Variants in LUZP1 observed in about 807,000 individuals in gnomAD.
LUZP1 encodes the protein filamin mechanobinding actin cross-linking protein.
LUZP1 carries 25 observed loss-of-function variants against 71.3 expected under a neutral mutation model. That is an observed-to-expected ratio of 0.35 (90% confidence interval 0.26 to 0.49). The LOEUF (loss-of-function observed/expected upper bound fraction) is 0.49, where lower values mean the gene tolerates loss of function less well. Ranked by LOEUF, LUZP1 falls within the 20% of genes least tolerant of loss-of-function variation. The probability of loss-of-function intolerance (pLI) is 0.99; values close to 1 mark genes in which losing one functional copy is unlikely to be tolerated. For missense variants in LUZP1, 1,142 were observed against 1,300.8 expected (o/e 0.88, Z 1.88); for synonymous variants, 481 against 506.4 (o/e 0.95, Z 0.67).
At chr1:23,127,872 C>G (rs1644184463) in intron 2 of LUZP1, among the ~76,000 whole-genome samples, 1 of 151,594 alleles carries the variant, frequency 6.6e-6, no homozygotes, top group Admixed American at 6.6e-5. Flanking sequence ...GTGGCTCATG[C>G]TTGTAATCCC....
At chr1:23,152,619 C>T (rs936365535) in intron 2 of LUZP1, among the ~76,000 whole-genome samples, 2 of 152,046 alleles carry the variant, frequency 1.3e-5, no homozygotes, top group Admixed American at 6.6e-5. Context: ...CAACCTCTGC[C>T]CCCTGGGTTC....
intron 3 of LUZP1, among the ~76,000 whole-genome samples, chr1:23,098,584 C>T (rs758824026): frequency 1.4e-4 from 21 of 152,070 alleles, no homozygotes; most frequent in Non-Finnish European, 8.8e-5. Context: ...GAAAGAGTGA[C>T]GTTAAGACAG....
At chr1:23,161,699 C>T (rs746840549) in intron 2 of LUZP1, among the ~76,000 whole-genome samples, 6 of 152,056 alleles carry the variant, frequency 3.9e-5, no homozygotes, top group Admixed American at 2.6e-4. Context: ...AGCCAGGAGA[C>T]GGGCTATACA....
exon 4 of LUZP1, chr1:23,091,588 G>A: frequency 6.2e-7 from 1 of 1,614,186 alleles, no homozygotes; most frequent in African/African-American, 1.3e-5. Flanking sequence ...GGAGGTGCAT[G>A]GCTATTCCTC....
intron 2 of LUZP1, among the ~76,000 whole-genome samples, chr1:23,119,851 T>C (rs1644116387): frequency 6.6e-6 from 1 of 152,140 alleles, no homozygotes; most frequent in African/African-American, 2.4e-5. Flanking sequence ...GAATAATTCA[T>C]CTCCCTCATG....
chr1:23,098,441 AATC>A lies in LUZP1; in HGVS notation c.-119-4064_-119-4062del, dbSNP rs561762730. On this transcript the variant is annotated intron_variant, in intron 3 of 4. Coordinates refer to ENST00000302291, the Ensembl canonical transcript of LUZP1. ...TTGATAATGTCAAAAACGAAGGTAT[AATC>A]ATAGGAATCCTGTGGGGGAGTAGGG... Among the ~76,000 whole-genome samples, 262 of 152,330 alleles carry A rather than the reference AATC, an allele frequency of 1.7e-3. 2 individuals carry two copies. Among genetic ancestry groups the A allele is most frequent in the African/African-American group, 5.9e-3 (246 of 41,562 alleles).
At chr1:23,107,409 C>A (rs1320917622) in intron 3 of LUZP1, among the ~76,000 whole-genome samples, 2 of 152,160 alleles carry the variant, frequency 1.3e-5, no homozygotes, top group African/African-American at 4.8e-5. Context: ...TTGTTTAATG[C>A]AGTATACTTA....
rs1487871632 is a variant in LUZP1, at chr1:23,137,999, CTTGCTCTG to C, written c.-225-28880_-225-28873del. On this transcript the variant is annotated intron_variant, in intron 2 of 4. Transcript: ENST00000302291. ...CTATTAATTTATCTTGAGATGGAGT[CTTGCTCTG>C]TTGCCCAGGTTGGAGTGCAATGGCA... Among the ~76,000 whole-genome samples the C allele has an allele frequency of 3.3e-5, 5 of 152,290 alleles. No individual in the cohort carries two copies. In the East Asian group the frequency reaches 9.6e-4, roughly 29 times the overall value.
chr1:23,100,037 G>A (rs1643918840), intron 3 of LUZP1, among the ~76,000 whole-genome samples: 1 of 152,094 alleles, frequency 6.6e-6, no homozygotes, highest in Non-Finnish European at 1.5e-5. Context: ...CAAACCCCAG[G>A]CCAGATCTGG....
At chr1:23,160,713 TGA>T (rs2148204248) in intron 2 of LUZP1, among the ~76,000 whole-genome samples, 1 of 152,258 alleles carries the variant, frequency 6.6e-6, no homozygotes, top group South Asian at 2.1e-4. Flanking sequence ...TGAAAATAAC[TGA>T]GGAGGGCATT....
At chr1:23,153,491 T>C (rs1173891900) in intron 2 of LUZP1, among the ~76,000 whole-genome samples, 1 of 152,070 alleles carries the variant, frequency 6.6e-6, no homozygotes, top group Non-Finnish European at 1.5e-5. Context: ...CTAATCCCAG[T>C]AAACTGTAAC....
At chr1:23,126,239 A>G (rs745815327) in intron 2 of LUZP1, among the ~76,000 whole-genome samples, 1 of 152,160 alleles carries the variant, frequency 6.6e-6, no homozygotes, top group Non-Finnish European at 1.5e-5. Context: ...CAACTTCTGA[A>G]GTCAGTGCTC....
chr1:23,166,140 G>C (rs1308961726), intron 2 of LUZP1, among the ~76,000 whole-genome samples: 1 of 151,516 alleles, frequency 6.6e-6, no homozygotes, highest in Admixed American at 6.6e-5. Context: ...TTGGAGAATA[G>C]ACTTAAATGA....
chr1:23,138,601 AT>A (rs928543763), intron 2 of LUZP1, among the ~76,000 whole-genome samples: 9 of 150,646 alleles, frequency 6.0e-5, no homozygotes, highest in African/African-American at 1.5e-4. Context: ...CTGTGAATGT[AT>A]TTTTTTTAAA....
intron 2 of LUZP1, among the ~76,000 whole-genome samples, chr1:23,153,161 T>A (rs1644397013): frequency 6.6e-6 from 1 of 152,162 alleles, no homozygotes; most frequent in African/African-American, 2.4e-5. Flanking sequence ...TTAAGACTGT[T>A]CATAATCTCA....
chr1:23,099,864 T>G (rs940344331), intron 3 of LUZP1, among the ~76,000 whole-genome samples: 2 of 152,170 alleles, frequency 1.3e-5, no homozygotes, highest in African/African-American at 4.8e-5. Flanking sequence ...AAATTCCCCA[T>G]GATGGCACCC....
At chr1:23,171,152 A>G (rs1420213851) in intron 1 of LUZP1, among the ~76,000 whole-genome samples, 2 of 150,316 alleles carry the variant, frequency 1.3e-5, no homozygotes, top group Non-Finnish European at 3.0e-5. Flanking sequence ...ATTTTTATAT[A>G]TAACTACTAT....
chr1:23,168,211 A>C (rs1483557273), intron 2 of LUZP1, among the ~76,000 whole-genome samples: 4 of 138,418 alleles, frequency 2.9e-5, no homozygotes, highest in Non-Finnish European at 6.3e-5. Flanking sequence ...CGCCGGCCCG[A>C]CGCGCTCCCA....
intron 2 of LUZP1, among the ~76,000 whole-genome samples, chr1:23,144,691 A>G (rs184734407): frequency 0.01 from 1,542 of 152,334 alleles, 13 homozygotes; most frequent in Non-Finnish European, 0.016. Context: ...AACAGCAGGA[A>G]GAGAATAAAA....
Sources: gnomAD v4.1 joint callset for allele counts (sites outside exome capture counted in the v4.1 genomes callset) on GRCh38, gnomAD v4.1.1 for gene constraint, MANE v1.5 for transcripts, NCBI Gene and HGNC (gene_info 2026-07-23, HGNC 2026-07-21) for gene names.